Variants in SUGCT observed in about 807,000 individuals in gnomAD.
The protein encoded by SUGCT is succinyl-CoA:glutarate-CoA transferase, also known as succinyl-CoA:glutarate CoA-transferase.
Under a neutral mutation model 55.0 loss-of-function variants are expected in SUGCT, and 41 were observed. The ratio of observed to expected loss-of-function variants is 0.74; its 90% CI spans 0.58 to 0.97. The LOEUF is 0.97. Among genes scored for constraint, SUGCT ranks in the 50% least tolerant of loss-of-function variants. The pLI is 0.00. For synonymous variants in SUGCT, 187 were observed against 200.4 expected, an observed-to-expected ratio of 0.93 and a Z score of 0.56; for missense variants, 568 against 547.8, an observed-to-expected ratio of 1.04 and a Z score of -0.37.
chr7:40,537,297 C>T (rs1794416829), intron 12 of SUGCT, among the ~76,000 whole-genome samples: 1 of 152,078 alleles, frequency 6.6e-6, no homozygotes, highest in Non-Finnish European at 1.5e-5. Context: ...GTTCCCTGTC[C>T]CATCTGCCCA....
chr7:40,221,798 C>A (rs1788039794), intron 6 of SUGCT, among the ~76,000 whole-genome samples: 1 of 152,094 alleles, frequency 6.6e-6, no homozygotes, highest in South Asian at 2.1e-4. Context: ...ACCCCATAAT[C>A]ATTTTTAATT....
At chr7:40,605,732 G>A (rs1798499527) in intron 12 of SUGCT, among the ~76,000 whole-genome samples, 1 of 152,226 alleles carries the variant, frequency 6.6e-6, no homozygotes, top group African/African-American at 2.4e-5. Context: ...TGAAGGGGTA[G>A]GAGTTAGGAT....
intron 4 of SUGCT, 146 bp from the exon 5 acceptor site, chr7:40,189,398 C>CTTTGTTTT (rs1785751346): frequency 6.9e-6 from 1 of 143,912 alleles, no homozygotes; most frequent in African/African-American, 3.1e-5. Context: ...AATACACATA[C>CTTTGTTTT]TTTTTTTTTT....
At chr7:40,224,939 C>G (rs1328675569) in intron 6 of SUGCT, among the ~76,000 whole-genome samples, 1 of 152,180 alleles carries the variant, frequency 6.6e-6, no homozygotes, top group Non-Finnish European at 1.5e-5. Context: ...ATAGGGGCAT[C>G]CACACTGCAT....
rs375246051 is a variant in SUGCT at position 40,580,282 on chromosome 7, T to G, written c.1089+83896T>G. 1.5e-3 allele frequency among the ~76,000 whole-genome samples: 229 copies of G among 152,316 alleles called. 9 individuals are homozygous for G. The South Asian group carries it at 0.047, about 31-fold the overall frequency. On this transcript the variant is annotated intron_variant, in intron 12 of 13. Coordinates refer to ENST00000335693, the MANE Select transcript of SUGCT (RefSeq NM_001193313.2). ...TACATTTATCTATCTCTTGATCAAT[T>G]AGTCTATCTCTTTCATATGAAATGA...
the SUGCT span, among the ~76,000 whole-genome samples, chr7:41,027,399 G>A: frequency 6.6e-6 from 1 of 152,194 alleles, no homozygotes; most frequent in African/African-American, 2.4e-5. Flanking sequence ...ACATTGTGGT[G>A]ACCATGAGCA....
chr7:40,958,890 G>A, the SUGCT span, among the ~76,000 whole-genome samples: 9 of 152,166 alleles, frequency 5.9e-5, no homozygotes, highest in Non-Finnish European at 1.2e-4. Flanking sequence ...ATTGCTTCCT[G>A]TTTGTTAGTT....
At chr7:40,729,619 G>T (rs543115219) in intron 12 of SUGCT, among the ~76,000 whole-genome samples, 20 of 152,262 alleles carry the variant, frequency 1.3e-4, no homozygotes, top group African/African-American at 4.6e-4. Flanking sequence ...GATGAGATGA[G>T]AAAAGTAGTC....
At chr7:40,397,751 G>C (rs1785817557) in intron 9 of SUGCT, among the ~76,000 whole-genome samples, 1 of 152,206 alleles carries the variant, frequency 6.6e-6, no homozygotes, top group Non-Finnish European at 1.5e-5. Flanking sequence ...AGGAGAAAGA[G>C]CTTGCTGGTA....
the SUGCT span, among the ~76,000 whole-genome samples, chr7:41,002,951 C>T: frequency 6.6e-6 from 1 of 151,950 alleles, no homozygotes; most frequent in East Asian, 1.9e-4. Flanking sequence ...TAGCACAGTG[C>T]CCTGCCCATA....
rs372560635 is a variant in SUGCT, at chr7:40,289,528, A to G, written c.720+14872A>G. Among the ~76,000 whole-genome samples the G allele has an allele frequency of 7.0e-4, 107 of 152,292 alleles. 2 individuals are homozygous for G. In the South Asian group the frequency reaches 0.02, roughly 28 times the overall value. On this transcript the variant is annotated intron_variant, in intron 8 of 13. Coordinates refer to ENST00000335693, the MANE Select transcript of SUGCT (RefSeq NM_001193313.2). Reference sequence around the variant, plus strand: ...CTCAAAATAATAAGAGCTATCTATGACAAACCCACAGCCAATATCATACTG... The same window carrying G: ...CTCAAAATAATAAGAGCTATCTATGGCAAACCCACAGCCAATATCATACTG...
intron 12 of SUGCT, among the ~76,000 whole-genome samples, chr7:40,591,085 A>G (rs1419342847): frequency 1.3e-5 from 2 of 152,198 alleles, no homozygotes; most frequent in African/African-American, 4.8e-5. Flanking sequence ...TGTGGCTGCC[A>G]TAAATAGTGA....
intron 9 of SUGCT, among the ~76,000 whole-genome samples, chr7:40,320,411 T>A (rs1169089756): frequency 2.6e-5 from 4 of 152,174 alleles, no homozygotes; most frequent in African/African-American, 9.7e-5. Context: ...TTTTAATGCA[T>A]AGATATGTTT....
intron 6 of SUGCT, among the ~76,000 whole-genome samples, chr7:40,236,687 A>G (rs1789035599): frequency 6.6e-6 from 1 of 152,148 alleles, no homozygotes; most frequent in Non-Finnish European, 1.5e-5. Flanking sequence ...GAGTCAGGGA[A>G]GTACTTGAAA....
intron 12 of SUGCT, among the ~76,000 whole-genome samples, chr7:40,560,401 G>A (rs1795775803): frequency 6.6e-6 from 1 of 152,134 alleles, no homozygotes; most frequent in South Asian, 2.1e-4. Flanking sequence ...AATGCCCATG[G>A]GACAAAAGGC....
rs535508026 is a variant in SUGCT, at chr7:40,277,488, C to G, written c.720+2832C>G. Reference sequence around the variant, plus strand: ...TATAGGCGTGAGCCACTGCACCCAGCCAGAGCCACTGTGCTGAGCAAGAGT... The same window carrying G: ...TATAGGCGTGAGCCACTGCACCCAGGCAGAGCCACTGTGCTGAGCAAGAGT... On this transcript the variant is annotated intron_variant, in intron 8 of 13. Transcript: ENST00000335693. Among the ~76,000 whole-genome samples, 4 of 152,190 alleles carry G rather than the reference C, an allele frequency of 2.6e-5. No individual in the cohort carries two copies. The East Asian group carries it at 7.7e-4, about 29-fold the overall frequency.
chr7:40,265,807 A>C (rs980834502), intron 7 of SUGCT, among the ~76,000 whole-genome samples: 1 of 152,118 alleles, frequency 6.6e-6, no homozygotes, highest in Non-Finnish European at 1.5e-5. Flanking sequence ...AAAAATTAGC[A>C]GGGCATGATG....
At chr7:40,559,770 T>C (rs987913592) in intron 12 of SUGCT, among the ~76,000 whole-genome samples, 1 of 152,252 alleles carries the variant, frequency 6.6e-6, no homozygotes, top group Non-Finnish European at 1.5e-5. Flanking sequence ...ATGTCATTTA[T>C]ATGAAATTTC....
intron 12 of SUGCT, among the ~76,000 whole-genome samples, chr7:40,589,767 AAACTT>A (rs1215660200): frequency 2.0e-5 from 3 of 152,208 alleles, no homozygotes; most frequent in Admixed American, 6.5e-5. Flanking sequence ...AAGTTAGTGA[AAACTT>A]AAACCAAATA....
Sources: gnomAD v4.1 joint callset for allele counts (sites outside exome capture counted in the v4.1 genomes callset) on GRCh38, gnomAD v4.1.1 for gene constraint, MANE v1.5 for transcripts, NCBI Gene and HGNC (gene_info 2026-07-23, HGNC 2026-07-21) for gene names.